NOTCH3: variants seen among roughly 807,000 people sequenced by gnomAD.
NOTCH3 encodes the protein notch receptor 3, also known as neurogenic locus notch homolog protein 3.
In NOTCH3, 86 loss-of-function variants were observed where a neutral mutation model predicts 213.3. The observed-to-expected ratio is 0.40, with a 90% CI of 0.34 to 0.48. The LOEUF (loss-of-function observed/expected upper bound fraction) is 0.48. Among genes scored for constraint, NOTCH3 ranks in the 20% least tolerant of loss-of-function variants. NOTCH3 has a pLI of 0.57. For synonymous variants in NOTCH3, 1,354 were observed against 1,355.9 expected (o/e 1.00, Z 0.03); for missense variants, 2,783 against 3,272.6 (o/e 0.85, Z 3.65).
rs75068032 is a variant in NOTCH3, at chr19:15,187,273, G to A, written c.1672C>T (p.Arg558Cys). Residue 558 changes from arginine (R) to cysteine (C), a missense_variant, in exon 11 of 33, where the codon CGC (arginine) becomes TGC (cysteine). Around this residue, in one of 6 missense-constraint regions of NOTCH3, gnomAD observed 708 missense variants for 906.6 expected, o/e 0.78. Transcript: ENST00000263388. ...DCSPDPCHHG[R>C]CVDGIASFSC... ...AAGCTGGCGATGCCATCCACGCAGC[G>A]ACCATGGTGGCATGGGTCAGGGGAG... 2.0e-5 allele frequency: 32 copies of A among 1,613,970 alleles called. No individual in the cohort carries two copies. Among genetic ancestry groups the A allele is most frequent in the Admixed American group, 1.3e-4 (8 of 60,010 alleles).
At chr19:15,170,952 G>A in intron 25 of NOTCH3, 127 bp from the exon 26 acceptor site, 4 of 1,017,796 alleles carry the variant, frequency 3.9e-6, no homozygotes, top group Admixed American at 2.0e-5. Flanking sequence ...GGTCTCCATG[G>A]CCCACCTGCA....
chr19:15,166,104 G>A lies in NOTCH3; in HGVS notation c.5363-13C>T, dbSNP rs748221926. On this transcript the variant is annotated splice_polypyrimidine_tract_variant and intron_variant, in intron 29 of 32. Coordinates refer to ENST00000263388, the MANE Select transcript of NOTCH3 (RefSeq NM_000435.3). Reference sequence around the variant, plus strand: ...GGGGTGAAGCCATCTGCAGGGACAGGAGTGTGTCAGCAGGAAGGTAAACAC... The same window carrying A: ...GGGGTGAAGCCATCTGCAGGGACAGAAGTGTGTCAGCAGGAAGGTAAACAC... The A allele has an allele frequency of 1.2e-6, 2 of 1,612,568 alleles. No homozygotes were observed. Among genetic ancestry groups the A allele is most frequent in the Non-Finnish European group, 8.5e-7 (1 of 1,178,610 alleles).
intron 29 of NOTCH3, among the ~76,000 whole-genome samples, 164 bp from the exon 30 acceptor site, chr19:15,166,255 G>A (rs115116768): frequency 6.4e-4 from 98 of 152,274 alleles, no homozygotes; most frequent in African/African-American, 2.2e-3. Context: ...TCGTGGGCAC[G>A]TGATTTGTCA....
chr19:15,184,223 G>A, intron 16 of NOTCH3, 72 bp downstream of exon 16: 4 of 1,424,260 alleles, frequency 2.8e-6, no homozygotes, highest in South Asian at 1.2e-5. Flanking sequence ...ACAGCACAGT[G>A]CCAGGCACAC....
chr19:15,191,816 C>T lies in NOTCH3; in HGVS notation c.731G>A (p.Arg244Gln), dbSNP rs768437995. Residue 244 changes from arginine (R) to glutamine (Q), a missense_variant, in exon 5 of 33, where the codon CGA becomes CAA. This residue lies in a region of NOTCH3 where 708 missense variants were observed against 906.6 expected (regional missense o/e 0.78). Transcript: ENST00000263388. ...EVNVDDCPGH[R>Q]CLNGGTCVDG... Reference sequence around the variant, plus strand: ...CACGCATGTCCCCCCATTGAGACATCGGTGTCCTGGACAGTCGTCCACGTT... The same window carrying T: ...CACGCATGTCCCCCCATTGAGACATTGGTGTCCTGGACAGTCGTCCACGTT... The T allele has an allele frequency of 1.3e-5, 21 of 1,613,848 alleles. No individual in the cohort carries two copies. Among genetic ancestry groups the T allele is most frequent in the East Asian group, 4.5e-5 (2 of 44,888 alleles).
rs1221203164 is a variant in NOTCH3, at chr19:15,161,056, G to A, written c.6572C>T (p.Pro2191Leu). The A allele has an allele frequency of 1.4e-5, 22 of 1,538,670 alleles. No individual in the cohort carries two copies. In the East Asian group the frequency reaches 3.4e-4, roughly 23 times the overall value. Residue 2191 changes from proline (P) to leucine (L), a missense_variant, in exon 33 of 33, where the codon CCG becomes CTG. Physicochemically the swap from Pro to Leu is moderately conservative, Grantham distance 98 (BLOSUM62 -3). Coordinates refer to ENST00000263388, the MANE Select transcript of NOTCH3 (RefSeq NM_000435.3). The stretch of plus-strand genomic sequence containing the variant: ...CCCTGGGTTGAGCAGCTGGGGTCCC[G>A]GCGCCAGTGGCAGCAGGAACGAGGG... ...PGPSFLLPLA[P>L]GPQLLNPGTP...
intron 24 of NOTCH3, among the ~76,000 whole-genome samples, chr19:15,174,830 T>C (rs916886554): frequency 1.3e-5 from 2 of 152,140 alleles, no homozygotes; most frequent in African/African-American, 4.8e-5. Context: ...TGCCTCGGCC[T>C]CCCAAAGTGC....
rs766139231 is a variant in NOTCH3 at position 15,197,578 on chromosome 19, G to A, written c.119C>T (p.Ala40Val). ...CGGGCTTCCGTCCAGGCAAGGGGGG[G>A]CTGTGTGGGGGTGAAGGAAGGTGGA... ...LLLLAGPGAAAPPCLDGSPCA... is the reference protein window; with the variant it reads ...LLLLAGPGAAVPPCLDGSPCA... Residue 40 changes from alanine to valine, a missense_variant and splice_region_variant, in exon 2 of 33, where the codon GCC (alanine) becomes GTC (valine). Ala to Val is a moderately conservative substitution (Grantham distance 64). Transcript: ENST00000263388. 2.2e-5 allele frequency: 35 copies of A among 1,611,276 alleles called. No individual in the cohort carries two copies. The highest frequency in any genetic ancestry group is 2.8e-5 in the Non-Finnish European group (33 of 1,179,736).
intron 31 of NOTCH3, among the ~76,000 whole-genome samples, chr19:15,164,382 A>C (rs1461964520): frequency 6.6e-6 from 1 of 152,044 alleles, no homozygotes; most frequent in Non-Finnish European, 1.5e-5. Context: ...TCTACTAAAA[A>C]TACAAAAAAA....
intron 1 of NOTCH3, among the ~76,000 whole-genome samples, chr19:15,200,234 G>A (rs1329418916): frequency 1.3e-5 from 2 of 151,608 alleles, no homozygotes; most frequent in African/African-American, 2.4e-5. Context: ...GGGCGCGCGC[G>A]CCGCCGAGGC....
Position 15,178,546 on chromosome 19 carries a change from G to A in NOTCH3, c.3837+277C>T, listed in dbSNP as rs1374978707. The A allele has an allele frequency of 1.2e-5, 6 of 503,684 alleles. No individual in the cohort carries two copies. The Admixed American group carries it at 1.3e-4, about 11-fold the overall frequency. 31.2% of individuals were successfully genotyped at this position (503,684 alleles called of 1,614,324 possible). On this transcript the variant is annotated intron_variant, in intron 23 of 32. Coordinates refer to ENST00000263388, the MANE Select transcript of NOTCH3 (RefSeq NM_000435.3). ...ATTACAGGCAGCTGCCACTACGCCC[G>A]GCTAATTTTTATATTTTTAGTAGAG...
rs2145382812 is a variant in NOTCH3 at position 15,161,450 on chromosome 19, A to G, written c.6178T>C (p.Ser2060Pro). ...CCGGGGGGCCTCCTGCTCTTCTTGGACCCCGACTGTGCCGCTTTGAGGCCA... is the reference window on the plus strand; with the variant it reads ...CCGGGGGGCCTCCTGCTCTTCTTGGGCCCCGACTGTGCCGCTTTGAGGCCA... ...LPGLKAAQSGSKKSRRPPGKA... is the reference protein window; with the variant it reads ...LPGLKAAQSGPKKSRRPPGKA... Residue 2060 changes from serine (S) to proline (P), a missense_variant, in exon 33 of 33, where the codon TCC becomes CCC. This residue lies in a region of NOTCH3 where 441 missense variants were observed against 432.1 expected (regional missense o/e 1.02). Transcript: ENST00000263388. The G allele has an allele frequency of 1.3e-6, 2 of 1,557,616 alleles. No individual in the cohort carries two copies. Among genetic ancestry groups the G allele is most frequent in the Non-Finnish European group, 1.7e-6 (2 of 1,150,180 alleles).
At chr19:15,173,595 T>G (rs2145407338) in intron 25 of NOTCH3, among the ~76,000 whole-genome samples, 1 of 150,696 alleles carries the variant, frequency 6.6e-6, no homozygotes, top group African/African-American at 2.4e-5. Context: ...CCCGGTGTGG[T>G]GGTGGATGCC....
intron 24 of NOTCH3, 22 bp from the exon 25 acceptor site, chr19:15,174,422 G>A (rs1056873661): frequency 2.0e-6 from 3 of 1,490,956 alleles, no homozygotes; most frequent in African/African-American, 2.8e-5. Flanking sequence ...GGGTGAGGCA[G>A]AGAGGGGCGG....
At position 15,165,382 on chromosome 19, in the gene NOTCH3, G is replaced by A. The variant is rs554059112; in HGVS notation, c.5801C>T (p.Ala1934Val). 1.5e-5 allele frequency: 24 copies of A among 1,607,446 alleles called. No homozygotes were observed. The East Asian group carries it at 4.2e-4, about 28-fold the overall frequency. ...ELIASHADVN[A>V]VDELGKSALH... Reference sequence around the variant, plus strand: ...TGCCAACCTACCAAGCTCATCCACAGCATTGACATCAGCATGGCTGGCGAT... The same window carrying A: ...TGCCAACCTACCAAGCTCATCCACAACATTGACATCAGCATGGCTGGCGAT... Residue 1934 changes from alanine to valine, a missense_variant, in exon 31 of 33, where the codon GCT becomes GTT. Physicochemically the swap from Ala to Val is moderately conservative, Grantham distance 64. Coordinates refer to ENST00000263388, the MANE Select transcript of NOTCH3 (RefSeq NM_000435.3). This position sits in a 1 kb window ranked among gnomAD's most constrained non-coding sequence, Gnocchi z 4.7.
chr19:15,195,599 CG>C (rs1261689847), intron 2 of NOTCH3, among the ~76,000 whole-genome samples: 1 of 151,934 alleles, frequency 6.6e-6, no homozygotes, highest in African/African-American at 2.4e-5. Context: ...CGGCCCCCAG[CG>C]AAACAGGTCG....
chr19:15,175,573 ATG>A (rs1429595580), intron 24 of NOTCH3, among the ~76,000 whole-genome samples: 5 of 38,176 alleles, frequency 1.3e-4, no homozygotes, highest in South Asian at 9.6e-4. Context: ...ATATATATAT[ATG>A]TATATATATG....
chr19:15,180,697 C>T lies in NOTCH3; in HGVS notation c.3126G>A (p.Glu1042=), dbSNP rs2046832140. 1 of 1,558,364 alleles carries T rather than the reference C, an allele frequency of 6.4e-7. No individual in the cohort carries two copies. Among genetic ancestry groups the T allele is most frequent in the African/African-American group, 1.4e-5 (1 of 73,742 alleles). ...LCDIRSLPCR[E]AAAQIGVRLE... ...CCCACTCACCGATCTGGGCTGCGGC[C>T]TCCCTGCAGGGCAAGCTTCGGATGT... The change falls in exon 19 of 33, where the codon GAG becomes GAA. Residue 1042 remains glutamate (E), a synonymous_variant. Coordinates refer to ENST00000263388, the MANE Select transcript of NOTCH3 (RefSeq NM_000435.3).
At chr19:15,182,212 G>GA (rs375188451) in intron 16 of NOTCH3, among the ~76,000 whole-genome samples, 21 of 149,430 alleles carry the variant, frequency 1.4e-4, no homozygotes, top group South Asian at 4.2e-4. Context: ...GACTTGGTAT[G>GA]AAAAAAAAAA....
Sources: allele counts gnomAD v4.1 joint callset (sites outside exome capture counted in the v4.1 genomes callset), GRCh38; gene constraint gnomAD v4.1.1; regional missense constraint gnomAD v4.1.1; non-coding constraint Gnocchi (gnomAD v3.1); transcripts MANE v1.5; gene names NCBI Gene and HGNC (gene_info 2026-07-23, HGNC 2026-07-21).